Variants in ZNF410 observed in about 807,000 individuals in gnomAD.
The protein encoded by ZNF410 is another partner for ARF 1.
Under a neutral mutation model 54.8 loss-of-function variants are expected in ZNF410, and 18 were observed. The ratio of observed to expected loss-of-function variants is 0.33; its 90% CI spans 0.23 to 0.49. The LOEUF (loss-of-function observed/expected upper bound fraction) is 0.49, where lower values mean the gene tolerates loss of function less well. ZNF410 is among the 20% of genes least tolerant of loss of function. ZNF410 has a pLI of 0.99. For missense variants in ZNF410, 405 were observed against 569.6 expected, an observed-to-expected ratio of 0.71 and a Z score of 2.94; for synonymous variants, 191 against 207.3, an observed-to-expected ratio of 0.92 and a Z score of 0.68.
intron 4 of ZNF410, 51 bp downstream of exon 4, chr14:73,896,585 G>T (rs1223991898): frequency 2.1e-6 from 3 of 1,431,818 alleles, no homozygotes; most frequent in Non-Finnish European, 2.9e-6. Context: ...AAAAAATTAG[G>T]GGTGGGGCAT....
intron 11 of ZNF410, chr14:73,924,899 G>C (rs988550742): frequency 3.2e-6 from 1 of 312,600 alleles, no homozygotes; most frequent in Admixed American, 4.8e-5. Flanking sequence ...GGATGGTCTC[G>C]ATCTCTTGAC....
At position 73,932,448 on chromosome 14, in the gene ZNF410, A is replaced by G. The variant is rs1566671182; in HGVS notation, c.*907A>G. On this transcript the variant is annotated 3_prime_UTR_variant, in exon 12 of 12. Transcript: ENST00000555044. ...TCTTCATTTCTTAAGCCCAGGTGAT[A>G]GTTACTCTGTCACCACCAAAAAAGA... is the stretch of plus-strand genomic sequence containing the variant. The G allele has an allele frequency of 2.2e-6, 1 of 453,924 alleles. No homozygotes were observed. Among genetic ancestry groups the G allele is most frequent in the East Asian group, 6.9e-5 (1 of 14,390 alleles). The allele number at this position is 453,924 out of a possible 1,614,324, so 28.1% of individuals were successfully genotyped here.
At chr14:73,897,833 G>A (rs1308723189) in intron 4 of ZNF410, among the ~76,000 whole-genome samples, 7 of 151,982 alleles carry the variant, frequency 4.6e-5, no homozygotes, top group African/African-American at 7.2e-5. Context: ...TTAGCCGGGC[G>A]TGGTGGTGCA....
intron 8 of ZNF410, among the ~76,000 whole-genome samples, chr14:73,909,794 CT>C (rs968525174): frequency 4.6e-5 from 7 of 152,144 alleles, no homozygotes; most frequent in African/African-American, 1.7e-4. Flanking sequence ...AGTAAAAAGA[CT>C]GATATAAGTT....
rs1255721709 is a variant in ZNF410 at position 73,904,021 on chromosome 14, A to G, written c.642A>G (p.Gln214=). ...CAAAAGATTCTGGGCCCCTTCCTCA[A>G]GTGGAAAAGAAGCTCAAGTGTACAG... The part of the protein sequence containing the change: ...GQSKDSGPLP[Q]VEKKLKCTVE... Residue 214 remains glutamine (Q), a synonymous_variant, in exon 6 of 12, where the codon CAA becomes CAG. Transcript: ENST00000555044. 1.2e-6 allele frequency: 2 copies of G among 1,614,060 alleles called. No individual in the cohort carries two copies. Among genetic ancestry groups the G allele is most frequent in the Non-Finnish European group, 1.7e-6 (2 of 1,180,038 alleles).
At chr14:73,910,405 A>G (rs2140311583) in intron 8 of ZNF410, among the ~76,000 whole-genome samples, 1 of 152,296 alleles carries the variant, frequency 6.6e-6, no homozygotes, top group East Asian at 1.9e-4. Context: ...TTATACAGCA[A>G]TGGAGGCAGC....
intron 11 of ZNF410, among the ~76,000 whole-genome samples, chr14:73,929,238 G>A (rs1450481513): frequency 2.0e-5 from 3 of 151,826 alleles, no homozygotes; most frequent in Admixed American, 2.0e-4. Flanking sequence ...TTCTTCACTA[G>A]TTTGGGTCCT....
intron 3 of ZNF410, 117 bp downstream of exon 3, chr14:73,894,049 TAGG>T: frequency 7.3e-7 from 1 of 1,363,876 alleles, no homozygotes; most frequent in African/African-American, 1.5e-5. Flanking sequence ...CTGTAAAAAT[TAGG>T]AGTCATGGAG....
At chr14:73,920,858 A>G (rs1594764941) in intron 8 of ZNF410, 122 bp from the exon 9 acceptor site, 1 of 1,322,292 alleles carries the variant, frequency 7.6e-7, no homozygotes, top group South Asian at 1.4e-5. Flanking sequence ...GAAGGTGCGG[A>G]ATGGGAAAAG....
At chr14:73,904,635 A>AT (rs1009539804) in intron 6 of ZNF410, among the ~76,000 whole-genome samples, 4 of 152,094 alleles carry the variant, frequency 2.6e-5, no homozygotes, top group Non-Finnish European at 5.9e-5. Context: ...TTAAAAAAAC[A>AT]TTTTTTAAAG....
At chr14:73,923,260 T>C in intron 10 of ZNF410, 135 bp from the exon 11 acceptor site, 1 of 1,035,488 alleles carries the variant, frequency 9.7e-7, no homozygotes, top group Admixed American at 3.4e-5. Flanking sequence ...TCAGACAGGA[T>C]TAACTTGGAA....
chr14:73,914,290 C>T (rs1004366510), intron 8 of ZNF410: 3 of 152,472 alleles, frequency 2.0e-5, no homozygotes, highest in Admixed American at 6.5e-5. Context: ...TCTCCTGGCT[C>T]AGCCTCCCAA....
chr14:73,906,093 G>A (rs2055486742), intron 7 of ZNF410, among the ~76,000 whole-genome samples: 1 of 150,820 alleles, frequency 6.6e-6, no homozygotes, highest in Non-Finnish European at 1.5e-5. Flanking sequence ...CCACCTCCTG[G>A]GTTCATGCCA....
At chr14:73,894,502 A>T in intron 3 of ZNF410, 10 of 671,960 alleles carry the variant, frequency 1.5e-5, no homozygotes, top group Admixed American at 6.7e-5. Context: ...GCTCACTGCA[A>T]CCTCCGCCTC....
chr14:73,917,987 A>G (rs1359633185), intron 8 of ZNF410, among the ~76,000 whole-genome samples: 1 of 152,226 alleles, frequency 6.6e-6, no homozygotes, highest in African/African-American at 2.4e-5. Context: ...TAACCTACAC[A>G]TATCCTCCCA....
At chr14:73,912,728 A>G (rs1006248579) in intron 8 of ZNF410, among the ~76,000 whole-genome samples, 2 of 152,210 alleles carry the variant, frequency 1.3e-5, no homozygotes, top group South Asian at 2.1e-4. Context: ...AGTTACTTCT[A>G]GTATTTCATG....
intron 8 of ZNF410, chr14:73,915,994 C>T (rs2055661805): frequency 6.6e-6 from 1 of 152,286 alleles, no homozygotes; most frequent in Non-Finnish European, 1.5e-5. Context: ...AATCTCAGCA[C>T]TTTGGGAGGC....
chr14:73,893,881 T>C lies in ZNF410; in HGVS notation c.118T>C (p.Ser40Pro). The C allele has an allele frequency of 6.2e-7, 1 of 1,614,096 alleles. No individual in the cohort carries two copies. The highest frequency in any genetic ancestry group is 8.5e-7 in the Non-Finnish European group (1 of 1,179,996). The change falls in exon 3 of 12, where the codon TCC becomes CCC. Residue 40 changes from serine (S) to proline (P), a missense_variant. Ser to Pro is a moderately conservative substitution (Grantham distance 74). Around this residue, in one of 3 missense-constraint regions of ZNF410, gnomAD observed 247 missense variants for 342.8 expected, o/e 0.72. Transcript: ENST00000555044. ...AGAAGCTAAAGATATTACTTGCTTGTCCCTCCTTCCCGTGACTGAAGCCTC... is the reference window on the plus strand; with the variant it reads ...AGAAGCTAAAGATATTACTTGCTTGCCCCTCCTTCCCGTGACTGAAGCCTC... ...ESEAKDITCL[S>P]LLPVTEASEC...
At chr14:73,912,736 A>G (rs2055603400) in intron 8 of ZNF410, among the ~76,000 whole-genome samples, 1 of 152,114 alleles carries the variant, frequency 6.6e-6, no homozygotes, top group South Asian at 2.1e-4. Flanking sequence ...CTAGTATTTC[A>G]TGTTTGATGC....
Sources: allele counts gnomAD v4.1 joint callset (sites outside exome capture counted in the v4.1 genomes callset), GRCh38; gene constraint gnomAD v4.1.1; regional missense constraint gnomAD v4.1.1; transcripts MANE v1.5; gene names NCBI Gene and HGNC (gene_info 2026-07-23, HGNC 2026-07-21).